The following GHSR variants were observed in gnomAD, a reference collection of about 807,000 sequenced individuals.
GHSR encodes the protein growth hormone secretagogue receptor type 1.
In GHSR, 17 loss-of-function variants were observed where a neutral mutation model predicts 24.0. The observed-to-expected ratio is 0.71, with a 90% CI of 0.49 to 1.06. The LOEUF is 1.06. GHSR is among the 50% of genes least tolerant of loss of function. The pLI, the probability that GHSR is intolerant of heterozygous loss-of-function variation, is 0.00. For missense variants in GHSR, 504 were observed against 483.1 expected (o/e 1.04, Z -0.41); for synonymous variants, 238 against 208.1 (o/e 1.14, Z -1.24).
Position 172,445,084 on chromosome 3 carries a change from G to C in GHSR, c.*77C>G. On this transcript the variant is annotated 3_prime_UTR_variant, in exon 2 of 2. Coordinates refer to ENST00000241256, the MANE Select transcript of GHSR (RefSeq NM_198407.2). ...TTCCTAATTCCAAAATTAACCTTCA[G>C]CTTCCTCCCAAGTTCTGCTGTGCTA... 1 of 1,523,434 alleles carries C rather than the reference G, an allele frequency of 6.6e-7. No homozygotes were observed. Among genetic ancestry groups the C allele is most frequent in the South Asian group, 1.1e-5 (1 of 88,490 alleles). The allele number at this position is 1,523,434 out of a possible 1,614,324, so 94.4% of individuals were successfully genotyped here.
Position 172,443,718 on chromosome 3 carries a change from A to T in GHSR, c.*1443T>A, listed in dbSNP as rs1015641777. Among the ~76,000 whole-genome samples the T allele has an allele frequency of 1.2e-4, 19 of 152,198 alleles. No individual in the cohort carries two copies. Among genetic ancestry groups the T allele is most frequent in the Admixed American group, 1.2e-3 (18 of 15,292 alleles). The stretch of plus-strand genomic sequence containing the variant: ...TTATATACTTATAACCAAATGTATA[A>T]TATTTAGTTGAAGATGTCTATTCAT... On this transcript the variant is annotated 3_prime_UTR_variant, in exon 2 of 2. Coordinates refer to ENST00000241256, the MANE Select transcript of GHSR (RefSeq NM_198407.2).
Position 172,448,351 on chromosome 3 carries a change from C to A in GHSR, c.63G>T (p.Trp21Cys). The A allele has an allele frequency of 6.2e-7, 1 of 1,602,608 alleles. No homozygotes were observed. The highest frequency in any genetic ancestry group is 8.5e-7 in the Non-Finnish European group (1 of 1,179,792). ...GFNLTLADLD[W>C]DASPGNDSLG... ...GCGAGTCGTTGCCGGGGGAAGCATCCCAGTCCAGGTCGGCCAGTGTGAGGT... is the reference window on the plus strand; with the variant it reads ...GCGAGTCGTTGCCGGGGGAAGCATCACAGTCCAGGTCGGCCAGTGTGAGGT... The change falls in exon 1 of 2, where the codon TGG becomes TGT. Residue 21 changes from tryptophan to cysteine, a missense_variant. By Grantham distance (215) the Trp-to-Cys change is radical. Coordinates refer to ENST00000241256, the MANE Select transcript of GHSR (RefSeq NM_198407.2). This position sits in a 1 kb window ranked among gnomAD's most constrained non-coding sequence, Gnocchi z 4.8.
In GHSR at chr3:172,443,439, G is replaced by A. The variant is rs970753754; in HGVS notation, c.*1722C>T. On this transcript the variant is annotated 3_prime_UTR_variant, in exon 2 of 2. Transcript: ENST00000241256. ...ATGATTCTAATTATGATTGTGTTTG[G>A]ATGTTTCCAAACTAAATAATCAATC... is the stretch of plus-strand genomic sequence containing the variant. Among the ~76,000 whole-genome samples, 15 of 151,954 alleles carry A rather than the reference G, an allele frequency of 9.9e-5. No individual in the cohort carries two copies. The highest frequency in any genetic ancestry group is 3.6e-4 in the African/African-American group (15 of 41,384).
Position 172,448,050 on chromosome 3 carries a change from C to G in GHSR, c.364G>C (p.Val122Leu). 1 of 1,614,152 alleles carries G rather than the reference C, an allele frequency of 6.2e-7. No homozygotes were observed. Among genetic ancestry groups the G allele is most frequent in the Non-Finnish European group, 8.5e-7 (1 of 1,180,036 alleles). The change falls in exon 1 of 2, where the codon GTC (valine) becomes CTC (leucine). Residue 122 changes from valine (V) to leucine (L), a missense_variant. Coordinates refer to ENST00000241256, the MANE Select transcript of GHSR (RefSeq NM_198407.2). This position sits in a 1 kb window ranked among gnomAD's most constrained non-coding sequence, Gnocchi z 4.8. Reference protein sequence around the residue: ...GDLLCKLFQFVSESCTYATVL... With the variant: ...GDLLCKLFQFLSESCTYATVL... ...GTGGCGTAGGTGCAGCTCTCACTGACGAATTGGAAGAGTTTGCAGAGGAGG... is the reference window on the plus strand; with the variant it reads ...GTGGCGTAGGTGCAGCTCTCACTGAGGAATTGGAAGAGTTTGCAGAGGAGG...
rs1014037428 is a variant in GHSR, at chr3:172,443,584, C to T, written c.*1577G>A. ...AACCAATAACTTCATGAAGGAACTG[C>T]TTATATGACTAAGTATTGCACAGGA... On this transcript the variant is annotated 3_prime_UTR_variant, in exon 2 of 2. Coordinates refer to ENST00000241256, the MANE Select transcript of GHSR (RefSeq NM_198407.2). Among the ~76,000 whole-genome samples the T allele has an allele frequency of 2.1e-4, 32 of 152,038 alleles. 1 individual carries two copies. The highest frequency in any genetic ancestry group is 7.5e-4 in the African/African-American group (31 of 41,394).
chr3:172,445,536 C>CT, intron 1 of GHSR, 71 bp from the exon 2 acceptor site: 1 of 1,482,892 alleles, frequency 6.7e-7, no homozygotes, highest in Non-Finnish European at 9.2e-7. Flanking sequence ...ATTTTTAAGA[C>CT]TTTGTTTTTG....
Position 172,444,211 on chromosome 3 carries a change from T to G in GHSR, c.*950A>C, listed in dbSNP as rs1048584905. ...CTTCTGAGCATACAGAACAGGACAT[T>G]TAGGTGTGATTTTTAGTATTCATCA... On this transcript the variant is annotated 3_prime_UTR_variant, in exon 2 of 2. Coordinates refer to ENST00000241256, the MANE Select transcript of GHSR (RefSeq NM_198407.2). Among the ~76,000 whole-genome samples, 10 of 152,324 alleles carry G rather than the reference T, an allele frequency of 6.6e-5. No homozygotes were observed. In the East Asian group the frequency reaches 1.9e-3, roughly 29 times the overall value.
intron 1 of GHSR, among the ~76,000 whole-genome samples, chr3:172,445,857 A>G (rs1737448129): frequency 6.6e-6 from 1 of 152,194 alleles, no homozygotes; most frequent in Non-Finnish European, 1.5e-5. Context: ...ACTTTTTAAA[A>G]CAATGCAGAT....
At position 172,444,435 on chromosome 3, in the gene GHSR, A is replaced by C. The variant is rs752394792; in HGVS notation, c.*726T>G. On this transcript the variant is annotated 3_prime_UTR_variant, in exon 2 of 2. Coordinates refer to ENST00000241256, the MANE Select transcript of GHSR (RefSeq NM_198407.2). ...AGAACTGAATTTTTAACTTTAATTA[A>C]TTTTAAGTTTAAAGGTTTACCGTTG... is the stretch of plus-strand genomic sequence containing the variant. 1.7e-4 allele frequency among the ~76,000 whole-genome samples: 26 copies of C among 152,216 alleles called. No homozygotes were observed. The highest frequency in any genetic ancestry group is 3.3e-4 in the Admixed American group (5 of 15,286).
rs1174055265 is a variant in GHSR at position 172,443,442 on chromosome 3, G to A, written c.*1719C>T. Among the ~76,000 whole-genome samples the A allele has an allele frequency of 6.6e-6, 1 of 152,010 alleles. No individual in the cohort carries two copies. Among genetic ancestry groups the A allele is most frequent in the African/African-American group, 2.4e-5 (1 of 41,412 alleles). On this transcript the variant is annotated 3_prime_UTR_variant, in exon 2 of 2. Coordinates refer to ENST00000241256, the MANE Select transcript of GHSR (RefSeq NM_198407.2). Reference sequence around the variant, plus strand: ...ATTCTAATTATGATTGTGTTTGGATGTTTCCAAACTAAATAATCAATCGAT... The same window carrying A: ...ATTCTAATTATGATTGTGTTTGGATATTTCCAAACTAAATAATCAATCGAT...
chr3:172,443,734 G>A lies in GHSR; in HGVS notation c.*1427C>T, dbSNP rs1737393269. ...AAATGTATAATATTTAGTTGAAGATGTCTATTCATTCATAATTAGAATTAA... is the reference window on the plus strand; with the variant it reads ...AAATGTATAATATTTAGTTGAAGATATCTATTCATTCATAATTAGAATTAA... On this transcript the variant is annotated 3_prime_UTR_variant, in exon 2 of 2. Coordinates refer to ENST00000241256, the MANE Select transcript of GHSR (RefSeq NM_198407.2). Among the ~76,000 whole-genome samples, 1 of 152,142 alleles carries A rather than the reference G, an allele frequency of 6.6e-6. No homozygotes were observed. Among genetic ancestry groups the A allele is most frequent in the African/African-American group, 2.4e-5 (1 of 41,442 alleles).
At chr3:172,446,123 A>G (rs192231740) in intron 1 of GHSR, among the ~76,000 whole-genome samples, 92 of 152,270 alleles carry the variant, frequency 6.0e-4, no homozygotes, top group Middle Eastern at 6.8e-3. Flanking sequence ...ATGATGTCTA[A>G]ATGTTTAGAT....
rs992932072 is a variant in GHSR at position 172,445,024 on chromosome 3, C to CT, written c.*136dup. 5.3e-5 allele frequency: 51 copies of CT among 954,656 alleles called. 1 individual carries two copies. In the Middle Eastern group the frequency reaches 1.0e-3, roughly 19 times the overall value. The allele number at this position is 954,656 out of a possible 1,614,324, so 59.1% of individuals were successfully genotyped here. Reference sequence around the variant, plus strand: ...ACTGCTCACACCCTACAAATGATATCTTTTTTCCCTCCCAGATGTTTCTGG... The same window carrying CT: ...ACTGCTCACACCCTACAAATGATATCTTTTTTTCCCTCCCAGATGTTTCTGG... On this transcript the variant is annotated 3_prime_UTR_variant, in exon 2 of 2. Transcript: ENST00000241256.
rs979508293 is a variant in GHSR at position 172,448,259 on chromosome 3, G to A, written c.155C>T (p.Ala52Val). The change falls in exon 1 of 2, where the codon GCA (alanine) becomes GTA (valine). Residue 52 changes from alanine to valine, a missense_variant. Physicochemically the swap from Ala to Val is moderately conservative, Grantham distance 64. Transcript: ENST00000241256. This position sits in a 1 kb window ranked among gnomAD's most constrained non-coding sequence, Gnocchi z 4.8. ...GCCAGCGATGCCCACCACGAAGAGT[G>A]CCACGCAGGTGGCTGTGACGCCCGC... ...LLAGVTATCV[A>V]LFVVGIAGNL... 11 of 1,613,486 alleles carry A rather than the reference G, an allele frequency of 6.8e-6. No individual in the cohort carries two copies. The highest frequency in any genetic ancestry group is 9.3e-6 in the Non-Finnish European group (11 of 1,179,982).
At chr3:172,447,327 G>C (rs955777725) in intron 1 of GHSR, among the ~76,000 whole-genome samples, 15 of 152,080 alleles carry the variant, frequency 9.9e-5, no homozygotes, top group African/African-American at 3.4e-4. Context: ...GGAGAGACAG[G>C]AAGAAAGAGA....
intron 1 of GHSR, among the ~76,000 whole-genome samples, chr3:172,445,760 A>G (rs1425111569): frequency 6.6e-6 from 1 of 152,188 alleles, no homozygotes; most frequent in Non-Finnish European, 1.5e-5. Context: ...ATAGTCCAGC[A>G]GTTTTTATGT....
chr3:172,447,837 A>G lies in GHSR; in HGVS notation c.577T>C (p.Trp193Arg). Residue 193 changes from tryptophan to arginine, a missense_variant, in exon 1 of 2, where the codon TGG becomes CGG. Trp to Arg is a moderately radical substitution (Grantham distance 101, BLOSUM62 -3). Transcript: ENST00000241256. ...GTGGGGCGGCACTCGTTGGTGTCCCAAGGGTCGGTGCCGTTCTCGTGCTCC... is the reference window on the plus strand; with the variant it reads ...GTGGGGCGGCACTCGTTGGTGTCCCGAGGGTCGGTGCCGTTCTCGTGCTCC... ...GVEHENGTDP[W>R]DTNECRPTEF... The G allele has an allele frequency of 6.2e-7, 1 of 1,613,964 alleles. No individual in the cohort carries two copies. The highest frequency in any genetic ancestry group is 8.5e-7 in the Non-Finnish European group (1 of 1,180,026).
At chr3:172,447,503 A>C (rs777442908) in intron 1 of GHSR, 115 bp downstream of exon 1, 3 of 1,530,964 alleles carry the variant, frequency 2.0e-6, no homozygotes, top group Non-Finnish European at 2.6e-6. Flanking sequence ...AGAGAAACTG[A>C]AGAAAGAGGT....
chr3:172,448,402 C>A lies in GHSR; in HGVS notation c.12G>T (p.Ala4=), dbSNP rs754745493. The change falls in exon 1 of 2, where the codon GCG becomes GCT. Residue 4 remains alanine, a synonymous_variant. Coordinates refer to ENST00000241256, the MANE Select transcript of GHSR (RefSeq NM_198407.2). This position sits in a 1 kb window ranked among gnomAD's most constrained non-coding sequence, Gnocchi z 4.8. ...TGAACCCCGGCTCTTCGCTGGGCGT[C>A]GCGTTCCACATGCTGCCGGCTCAGC... The part of the protein sequence containing the change: MWN[A]TPSEEPGFNL... 1.9e-6 allele frequency: 3 copies of A among 1,594,448 alleles called. No individual in the cohort carries two copies. The highest frequency in any genetic ancestry group is 1.3e-5 in the African/African-American group (1 of 74,874).
Sources: allele counts gnomAD v4.1 joint callset (sites outside exome capture counted in the v4.1 genomes callset), GRCh38; gene constraint gnomAD v4.1.1; non-coding constraint Gnocchi (gnomAD v3.1); transcripts MANE v1.5; gene names NCBI Gene and HGNC (gene_info 2026-07-23, HGNC 2026-07-21).